EXOG: variants seen among roughly 807,000 people sequenced by gnomAD.
EXOG encodes the protein exo/endonuclease G, also known as nuclease EXOG, mitochondrial.
EXOG carries 27 observed loss-of-function variants against 25.8 expected under a neutral mutation model. The ratio of observed to expected loss-of-function variants is 1.05; its 90% CI spans 0.77 to 1.45. The LOEUF (loss-of-function observed/expected upper bound fraction) is 1.45, where lower values mean the gene tolerates loss of function less well. Among genes scored for constraint, EXOG ranks in the 40% most tolerant of loss-of-function variants. EXOG has a pLI of 0.00. For synonymous variants in EXOG, 133 were observed against 167.0 expected, an observed-to-expected ratio of 0.80 and a Z score of 1.57; for missense variants, 458 against 450.5, an observed-to-expected ratio of 1.02 and a Z score of -0.15.
intron 5 of EXOG, among the ~76,000 whole-genome samples, chr3:38,508,487 T>C (rs750741132): frequency 6.6e-6 from 1 of 152,168 alleles, no homozygotes; most frequent in Non-Finnish European, 1.5e-5. Flanking sequence ...TATACTATAC[T>C]GTGAGGCTTA....
At chr3:38,518,888 G>A (rs918646656) in intron 5 of EXOG, among the ~76,000 whole-genome samples, 1 of 152,206 alleles carries the variant, frequency 6.6e-6, no homozygotes, top group Non-Finnish European at 1.5e-5. Flanking sequence ...TTGTCAAAGA[G>A]GGTATCCAAA....
In EXOG at chr3:38,525,614, A is replaced by G; in HGVS notation, c.*1252A>G. On this transcript the variant is annotated 3_prime_UTR_variant, in exon 6 of 6. Transcript: ENST00000287675. ...CCAAATTGATGTGTTCTTGCTTTCC[A>G]GGTGAGCTTTTTGTTCTTAAGATTA... 1.0e-6 allele frequency: 1 copy of G among 985,370 alleles called. No homozygotes were observed. The highest frequency in any genetic ancestry group is 1.2e-6 in the Non-Finnish European group (1 of 829,920). The allele number at this position is 985,370 out of a possible 1,614,324, so 61.0% of individuals were successfully genotyped here.
chr3:38,516,908 G>A (rs1559694851), intron 5 of EXOG, among the ~76,000 whole-genome samples: 1 of 152,156 alleles, frequency 6.6e-6, no homozygotes, highest in East Asian at 1.9e-4. Flanking sequence ...GCAGAATGTA[G>A]GAGCAGTGAT....
At chr3:38,496,634 C>G in intron 1 of EXOG, 104 bp downstream of exon 1, 1 of 1,501,812 alleles carries the variant, frequency 6.7e-7, no homozygotes, top group Non-Finnish European at 8.8e-7. Context: ...TCACCGTTTG[C>G]TGGGCCCCTA....
rs2060804098 is a variant in EXOG at position 38,523,984 on chromosome 3, A to G, written c.729A>G (p.Pro243=). 1.2e-6 allele frequency: 2 copies of G among 1,613,778 alleles called. No individual in the cohort carries two copies. Among genetic ancestry groups the G allele is most frequent in the African/African-American group, 2.7e-5 (2 of 75,014 alleles). Residue 243 remains proline (P), a synonymous_variant, in exon 6 of 6, where the codon CCA becomes CCG. Transcript: ENST00000287675. ...LARRSSVSTE[P]LALGAFVVPN... ...GCAGAAGCTCAGTATCTACCGAACCACTGGCGCTAGGGGCCTTTGTGGTAC... is the reference window on the plus strand; with the variant it reads ...GCAGAAGCTCAGTATCTACCGAACCGCTGGCGCTAGGGGCCTTTGTGGTAC...
chr3:38,508,131 GAAAAAAATAAAA>G (rs2060258792), intron 5 of EXOG, among the ~76,000 whole-genome samples: 1 of 151,442 alleles, frequency 6.6e-6, no homozygotes, highest in African/African-American at 2.4e-5. Flanking sequence ...ACTCCACCTC[GAAAAAAATAAAA>G]ATAAAAATAA....
At chr3:38,520,933 A>G (rs2060698041) in intron 5 of EXOG, among the ~76,000 whole-genome samples, 1 of 152,222 alleles carries the variant, frequency 6.6e-6, no homozygotes, top group South Asian at 2.1e-4. Flanking sequence ...GTTTAGAAAC[A>G]TTTCTGGAAG....
intron 5 of EXOG, among the ~76,000 whole-genome samples, chr3:38,512,938 A>G (rs1397010432): frequency 6.6e-6 from 1 of 152,158 alleles, no homozygotes; most frequent in Non-Finnish European, 1.5e-5. Context: ...CTACGACTAC[A>G]GGCATGCACC....
intron 5 of EXOG, among the ~76,000 whole-genome samples, chr3:38,519,743 T>A (rs2060650124): frequency 6.6e-6 from 1 of 152,244 alleles, no homozygotes; most frequent in East Asian, 1.9e-4. Context: ...CCCTTTGGCC[T>A]GGAACAGGTA....
At chr3:38,513,893 A>T (rs1255869192) in intron 5 of EXOG, 2 of 152,266 alleles carry the variant, frequency 1.3e-5, no homozygotes, top group Non-Finnish European at 2.9e-5. Flanking sequence ...TCGTAGAAAT[A>T]TAAAGCACGG....
intron 5 of EXOG, among the ~76,000 whole-genome samples, chr3:38,513,498 C>A (rs182269425): frequency 3.3e-5 from 5 of 151,978 alleles, no homozygotes; most frequent in Non-Finnish European, 7.4e-5. Flanking sequence ...CCACAAACAA[C>A]GGAAAAACAG....
Position 38,524,101 on chromosome 3 carries a change from T to C in EXOG, c.846T>C (p.Pro282=). ...AGTTGTCAGGACTGGTGTTTTTTCC[T>C]CATTTGGATAGAACTAGTGATATCC... ...LEKLSGLVFF[P]HLDRTSDIRN... The change falls in exon 6 of 6, where the codon CCT becomes CCC. Residue 282 remains proline, a synonymous_variant. Coordinates refer to ENST00000287675, the MANE Select transcript of EXOG (RefSeq NM_005107.4). The C allele has an allele frequency of 1.9e-6, 3 of 1,614,090 alleles. No individual in the cohort carries two copies. The highest frequency in any genetic ancestry group is 2.5e-6 in the Non-Finnish European group (3 of 1,179,948).
rs542348791 is a variant in EXOG, at chr3:38,517,777, A to G, written c.646-6124A>G. ...GTTTGTACATTGTGTATGTATATGT[A>G]AAGTTGAATATTGACTTCACGAATC... On this transcript the variant is annotated intron_variant, in intron 5 of 5. Coordinates refer to ENST00000287675, the MANE Select transcript of EXOG (RefSeq NM_005107.4). Among the ~76,000 whole-genome samples the G allele has an allele frequency of 5.1e-4, 77 of 152,364 alleles. 1 individual carries two copies. Among genetic ancestry groups the G allele is most frequent in the African/African-American group, 1.8e-3 (74 of 41,600 alleles).
intron 3 of EXOG, among the ~76,000 whole-genome samples, chr3:38,502,057 G>A (rs2060061800): frequency 6.6e-6 from 1 of 152,046 alleles, no homozygotes; most frequent in African/African-American, 2.4e-5. Context: ...CGAGTAGCTG[G>A]GATTACAGGT....
In EXOG at chr3:38,497,706, G is replaced by T. The variant is rs770911980; in HGVS notation, c.241G>T (p.Ala81Ser). ...AGAGGCAAGGTGTTACACTAATCAC[G>T]CTTTGTCTTATGATCAGGCAAAGCG... The part of the protein sequence containing the change: ...GTEARCYTNH[A>S]LSYDQAKRVP... The change falls in exon 2 of 6, where the codon GCT becomes TCT. Residue 81 changes from alanine (A) to serine (S), a missense_variant. Transcript: ENST00000287675. The T allele has an allele frequency of 6.2e-7, 1 of 1,608,390 alleles. No individual in the cohort carries two copies. The highest frequency in any genetic ancestry group is 8.5e-7 in the Non-Finnish European group (1 of 1,178,850).
rs2060114678 is a variant in EXOG, at chr3:38,503,666, G to T, written c.505G>T (p.Asp169Tyr). 2 of 1,602,838 alleles carry T rather than the reference G, an allele frequency of 1.2e-6. No homozygotes were observed. The highest frequency in any genetic ancestry group is 1.6e-4 in the Middle Eastern group (1 of 6,066). Residue 169 changes from aspartate to tyrosine, a missense_variant, in exon 4 of 6, where the codon GAT becomes TAT. Physicochemically the swap from Asp to Tyr is radical, Grantham distance 160. This residue lies in a region of EXOG where 275 missense variants were observed against 230.5 expected (regional missense o/e 1.19). Transcript: ENST00000287675. ...TTCTAACATTGTGCCTCAGGATTTT[G>T]ATAATAATTCTGGATATTGGAACAG... is the stretch of plus-strand genomic sequence containing the variant. ...YLSNIVPQDF[D>Y]NNSGYWNRIE...
chr3:38,508,835 A>G (rs905961139), intron 5 of EXOG, among the ~76,000 whole-genome samples: 14 of 152,160 alleles, frequency 9.2e-5, no homozygotes, highest in Admixed American at 9.2e-4. Context: ...GTATAGGTCC[A>G]TATGAATAGC....
chr3:38,499,623 G>A (rs1307360398), intron 2 of EXOG: 1 of 453,412 alleles, frequency 2.2e-6, no homozygotes, highest in Non-Finnish European at 4.4e-6. Context: ...TATAAAAAGT[G>A]TATATCTGTA....
intron 4 of EXOG, among the ~76,000 whole-genome samples, chr3:38,504,537 G>T (rs1164967008): frequency 6.6e-6 from 1 of 152,036 alleles, no homozygotes; most frequent in African/African-American, 2.4e-5. Context: ...CCGGGTTCAA[G>T]CGATTCTCCT....
Sources: gnomAD v4.1 joint callset for allele counts (sites outside exome capture counted in the v4.1 genomes callset) on GRCh38, gnomAD v4.1.1 for gene constraint, gnomAD v4.1.1 regional missense constraint, MANE v1.5 for transcripts, NCBI Gene and HGNC (gene_info 2026-07-23, HGNC 2026-07-21) for gene names.